LY86: variants seen among roughly 807,000 people sequenced by gnomAD.
LY86 encodes MD-1, RP105-associated.
Under a neutral mutation model 17.3 loss-of-function variants are expected in LY86, and 20 were observed. The ratio of observed to expected loss-of-function variants is 1.15; its 90% confidence interval spans 0.81 to 1.68. The LOEUF (loss-of-function observed/expected upper bound fraction) is 1.68. LY86 is among the 40% of genes most tolerant of loss of function. The pLI is 0.00. For missense variants in LY86, 200 were observed against 191.9 expected, an observed-to-expected ratio of 1.04 and a Z score of -0.25; for synonymous variants, 74 against 70.6, an observed-to-expected ratio of 1.05 and a Z score of -0.24.
chr6:6,626,442 A>G (rs890302954), intron 3 of LY86, 21 bp downstream of exon 3: 5 of 1,612,336 alleles, frequency 3.1e-6, no homozygotes, highest in East Asian at 2.2e-5. Context: ...TGTCTTGCTC[A>G]CTGCTGGCAG....
intron 1 of LY86, among the ~76,000 whole-genome samples, chr6:6,612,809 GTGCTGATT>G: frequency 6.6e-6 from 1 of 152,328 alleles, no homozygotes; most frequent in South Asian, 2.1e-4. Flanking sequence ...TAGACACAGA[GTGCTGATT>G]GGTGTGTTTA....
chr6:6,633,548 C>T lies in LY86; in HGVS notation c.352+7127C>T, dbSNP rs1040608382. Among the ~76,000 whole-genome samples, 6 of 152,020 alleles carry T rather than the reference C, an allele frequency of 3.9e-5. No individual in the cohort carries two copies. In the South Asian group the frequency reaches 6.2e-4, roughly 16 times the overall value. ...GATAACACCTAAGTATTAAGCCCAA[C>T]GTCTATTAGCTATTTTTCCGATGCT... On this transcript the variant is annotated intron_variant, in intron 3 of 4. Coordinates refer to ENST00000230568, the MANE Select transcript of LY86 (RefSeq NM_004271.4).
chr6:6,614,377 CT>C (rs57187485), intron 1 of LY86, among the ~76,000 whole-genome samples: 9,124 of 145,432 alleles, frequency 0.063, 578 homozygotes, highest in African/African-American at 0.17. Context: ...AATCACGTCT[CT>C]TTTTTTTTTT....
At chr6:6,601,280 C>T (rs1760898734) in intron 1 of LY86, among the ~76,000 whole-genome samples, 1 of 152,120 alleles carries the variant, frequency 6.6e-6, no homozygotes, top group African/African-American at 2.4e-5. Flanking sequence ...GAGAGAAGGC[C>T]ACAGTTCCCT....
At chr6:6,596,697 T>A (rs1760724505) in intron 1 of LY86, among the ~76,000 whole-genome samples, 1 of 152,106 alleles carries the variant, frequency 6.6e-6, no homozygotes, top group African/African-American at 2.4e-5. Context: ...TGGTGCAGAT[T>A]TTTTTTAATG....
intron 1 of LY86, among the ~76,000 whole-genome samples, chr6:6,607,503 G>T (rs1761216780): frequency 6.6e-6 from 1 of 151,882 alleles, no homozygotes; most frequent in Admixed American, 6.6e-5. Context: ...AAAAACAAAA[G>T]AAAAAATTAA....
chr6:6,595,009 C>G (rs1357355989), intron 1 of LY86, among the ~76,000 whole-genome samples: 1 of 151,900 alleles, frequency 6.6e-6, no homozygotes, highest in Admixed American at 6.6e-5. Flanking sequence ...CAGGGTGAGA[C>G]CAGGCAGAAG....
intron 3 of LY86, among the ~76,000 whole-genome samples, chr6:6,630,720 G>A (rs1371303280): frequency 5.3e-5 from 8 of 152,268 alleles, no homozygotes; most frequent in Admixed American, 3.9e-4. Context: ...TTACCCCAGT[G>A]GGTCTCCATC....
Position 6,626,209 on chromosome 6 carries a change from G to T in LY86, c.224-84G>T, listed in dbSNP as rs572576369. 5.1e-6 allele frequency: 7 copies of T among 1,363,336 alleles called. No homozygotes were observed. The East Asian group carries it at 1.4e-4, about 27-fold the overall frequency. The allele number at this position is 1,363,336 out of a possible 1,614,324, so 84.5% of individuals were successfully genotyped here. A position where few individuals can be genotyped will look rare whatever the true frequency, so the allele number is the denominator to read the frequency against. On this transcript the variant is annotated intron_variant, in intron 2 of 4. Coordinates refer to ENST00000230568, the MANE Select transcript of LY86 (RefSeq NM_004271.4). ...ATTAATGGAAACAAAAGGTTCTTTA[G>T]CTCATGCTGCTGTATACTGTGAATG... is the stretch of plus-strand genomic sequence containing the variant.
chr6:6,645,551 G>A (rs573479803), intron 3 of LY86, among the ~76,000 whole-genome samples: 1 of 152,166 alleles, frequency 6.6e-6, no homozygotes, highest in East Asian at 1.9e-4. Context: ...AGGAAGGAAG[G>A]AGGCTGTGCC....
chr6:6,606,027 A>C (rs1350887657), intron 1 of LY86, among the ~76,000 whole-genome samples: 2 of 152,222 alleles, frequency 1.3e-5, no homozygotes, highest in African/African-American at 2.4e-5. Flanking sequence ...CTTCCACAGC[A>C]CGTAATACTA....
chr6:6,610,591 G>A (rs575940311), intron 1 of LY86, among the ~76,000 whole-genome samples: 1 of 152,292 alleles, frequency 6.6e-6, no homozygotes, highest in Non-Finnish European at 1.5e-5. Context: ...TACTGCCTGA[G>A]TTACATGGAA....
chr6:6,606,693 G>A (rs1247475418), intron 1 of LY86, among the ~76,000 whole-genome samples: 1 of 152,192 alleles, frequency 6.6e-6, no homozygotes, highest in South Asian at 2.1e-4. Flanking sequence ...CTCACTACCC[G>A]GGGCTTGCGG....
At chr6:6,638,811 C>G (rs1041966972) in intron 3 of LY86, among the ~76,000 whole-genome samples, 1 of 104,574 alleles carries the variant, frequency 9.6e-6, no homozygotes, top group Non-Finnish European at 1.8e-5. Flanking sequence ...CTCCCCCCTC[C>G]CCCCACCCCA....
At position 6,626,435 on chromosome 6, in the gene LY86, C is replaced by A. The variant is rs749396506; in HGVS notation, c.352+14C>A. 2 of 1,613,040 alleles carry A rather than the reference C, an allele frequency of 1.2e-6. No individual in the cohort carries two copies. Among genetic ancestry groups the A allele is most frequent in the South Asian group, 2.2e-5 (2 of 91,052 alleles). ...GAAGGAAAGGAGGTAAGCCATCTGT[C>A]TTGCTCACTGCTGGCAGGGGCCTGC... On this transcript the variant is annotated intron_variant, in intron 3 of 4. Coordinates refer to ENST00000230568, the MANE Select transcript of LY86 (RefSeq NM_004271.4).
intron 1 of LY86, chr6:6,591,181 A>T (rs2113068178): frequency 6.5e-6 from 1 of 153,930 alleles, no homozygotes; most frequent in Non-Finnish European, 1.5e-5. Flanking sequence ...AGGCTGGTGC[A>T]TCCTTTCAAG....
At position 6,600,761 on chromosome 6, in the gene LY86, C is replaced by G. The variant is rs574982228; in HGVS notation, c.136+11891C>G. ...TCATCCATCAGATAAACACCAAAATCCTTCCACTTCTCTCCACTGGGATCA... is the reference window on the plus strand; with the variant it reads ...TCATCCATCAGATAAACACCAAAATGCTTCCACTTCTCTCCACTGGGATCA... On this transcript the variant is annotated intron_variant, in intron 1 of 4. Transcript: ENST00000230568. Among the ~76,000 whole-genome samples the G allele has an allele frequency of 2.2e-4, 34 of 152,246 alleles. No individual in the cohort carries two copies. The South Asian group carries it at 7.1e-3, about 32-fold the overall frequency.
chr6:6,654,099 C>G lies in LY86; in HGVS notation c.406-445C>G, dbSNP rs138913296. On this transcript the variant is annotated intron_variant, in intron 4 of 4. Coordinates refer to ENST00000230568, the MANE Select transcript of LY86 (RefSeq NM_004271.4). ...CCTTACCTCACCCCCCCCATCCCCCCACTCCCTGCAGCCCCACTGGCCTCC... is the reference window on the plus strand; with the variant it reads ...CCTTACCTCACCCCCCCCATCCCCCGACTCCCTGCAGCCCCACTGGCCTCC... Among the ~76,000 whole-genome samples the G allele has an allele frequency of 1.5e-4, 23 of 152,314 alleles. No individual in the cohort carries two copies. In the East Asian group the frequency reaches 3.3e-3, roughly 22 times the overall value.
intron 1 of LY86, among the ~76,000 whole-genome samples, chr6:6,623,065 T>TAATA (rs1342184090): frequency 1.3e-5 from 2 of 152,230 alleles, no homozygotes; most frequent in Non-Finnish European, 2.9e-5. Context: ...TCTCTTCAGA[T>TAATA]TATTGTTTAT....
Sources: gnomAD v4.1 joint callset for allele counts (sites outside exome capture counted in the v4.1 genomes callset) on GRCh38, gnomAD v4.1.1 for gene constraint, MANE v1.5 for transcripts, NCBI Gene and HGNC (gene_info 2026-07-23, HGNC 2026-07-21) for gene names.